TRPM3: variants seen among roughly 807,000 people sequenced by gnomAD.
TRPM3 encodes transient receptor potential cation channel subfamily M member 3.
In TRPM3, 77 loss-of-function variants were observed where a neutral mutation model predicts 181.2. The observed-to-expected ratio is 0.42, with a 90% confidence interval of 0.35 to 0.51. The LOEUF (loss-of-function observed/expected upper bound fraction) is 0.51, where lower values mean the gene tolerates loss of function less well. Ranked by LOEUF, TRPM3 falls within the 20% of genes least tolerant of loss-of-function variation. The pLI is 0.01. For missense variants in TRPM3, 1,759 were observed against 2,196.7 expected (o/e 0.80, Z 3.98); for synonymous variants, 745 against 796.4 (o/e 0.94, Z 1.09).
At chr9:71,167,802 TA>T (rs1347710800) in intron 1 of TRPM3, among the ~76,000 whole-genome samples, 1 of 152,062 alleles carries the variant, frequency 6.6e-6, no homozygotes, top group African/African-American at 2.4e-5. Flanking sequence ...CAGCACAATT[TA>T]AAAAAAATCC....
chr9:70,993,346 G>A (rs753880922), intron 1 of TRPM3, among the ~76,000 whole-genome samples: 23 of 152,126 alleles, frequency 1.5e-4, no homozygotes, highest in African/African-American at 2.4e-4. Context: ...GGTAGTAGCC[G>A]TGTATAGAAT....
chr9:71,100,662 T>A (rs1038403051), intron 1 of TRPM3, among the ~76,000 whole-genome samples: 1 of 152,140 alleles, frequency 6.6e-6, no homozygotes, highest in Non-Finnish European at 1.5e-5. Context: ...TCCACTTCCC[T>A]TCCTTGCCCA....
intron 8 of TRPM3, among the ~76,000 whole-genome samples, chr9:70,696,921 C>T (rs1374176619): frequency 2.6e-5 from 4 of 152,270 alleles, no homozygotes; most frequent in Admixed American, 6.5e-5. Flanking sequence ...CTCAGTCCCA[C>T]GGGCAGAGAA....
At chr9:71,205,947 T>C (rs1587949125) in intron 1 of TRPM3, among the ~76,000 whole-genome samples, 1 of 152,306 alleles carries the variant, frequency 6.6e-6, no homozygotes, top group East Asian at 1.9e-4. Flanking sequence ...AAACTCTGGC[T>C]CTTATTCTGA....
chr9:71,163,735 A>G (rs1483287945), intron 1 of TRPM3, among the ~76,000 whole-genome samples: 1 of 152,154 alleles, frequency 6.6e-6, no homozygotes, highest in Non-Finnish European at 1.5e-5. Flanking sequence ...AGTCCTGGAG[A>G]AAGACCCTAC....
chr9:71,269,096 T>G (rs956246709), intron 1 of TRPM3, among the ~76,000 whole-genome samples: 1 of 152,162 alleles, frequency 6.6e-6, no homozygotes, highest in Non-Finnish European at 1.5e-5. Flanking sequence ...AACTCTATAA[T>G]GAAGTTACAT....
At chr9:70,969,756 T>TTATATATATATATATATATATATATATA (rs78938143) in intron 1 of TRPM3, among the ~76,000 whole-genome samples, 139 of 126,084 alleles carry the variant, frequency 1.1e-3, no homozygotes, top group East Asian at 3.3e-3. Flanking sequence ...CTGAATGATT[T>TTATATATATATATATATATATATATATA]TATATATATA....
chr9:70,590,411 T>C (rs2057917227), intron 22 of TRPM3, among the ~76,000 whole-genome samples: 2 of 152,232 alleles, frequency 1.3e-5, no homozygotes, highest in South Asian at 2.1e-4. Flanking sequence ...TATTTTCTTT[T>C]TGGCATTTAT....
At chr9:70,903,993 C>A (rs2096425584) in intron 1 of TRPM3, among the ~76,000 whole-genome samples, 1 of 151,968 alleles carries the variant, frequency 6.6e-6, no homozygotes, top group Admixed American at 6.6e-5. Context: ...AAGACCAAGG[C>A]AGGAGGATCT....
chr9:70,764,496 T>A lies in TRPM3; in HGVS notation c.1149-2772A>T, dbSNP rs185725506. On this transcript the variant is annotated intron_variant, in intron 7 of 25. Coordinates refer to ENST00000677713, the MANE Select transcript of TRPM3 (RefSeq NM_001366145.2). ...GGATCTGTCTGACACTTGTATCCAA[T>A]CTGTCACTTTCTAAAAATTGAGGAA... Among the ~76,000 whole-genome samples the A allele has an allele frequency of 7.9e-5, 12 of 152,314 alleles. No homozygotes were observed. The East Asian group carries it at 2.3e-3, about 29-fold the overall frequency.
chr9:71,053,048 C>T (rs1335377462), intron 1 of TRPM3, among the ~76,000 whole-genome samples: 1 of 131,050 alleles, frequency 7.6e-6, no homozygotes, highest in South Asian at 2.6e-4. Context: ...ATGGAGTTTC[C>T]TAACCAGCGA....
intron 7 of TRPM3, among the ~76,000 whole-genome samples, chr9:70,778,434 T>C (rs1564240615): frequency 6.6e-6 from 1 of 152,178 alleles, no homozygotes; most frequent in Non-Finnish European, 1.5e-5. Context: ...GGCCCATGCA[T>C]ATAGTAGGCA....
At chr9:70,850,454 G>C (rs1047794858) in intron 3 of TRPM3, among the ~76,000 whole-genome samples, 1 of 152,122 alleles carries the variant, frequency 6.6e-6, no homozygotes, top group Admixed American at 6.5e-5. Flanking sequence ...AATAAATAAA[G>C]GGGCAGAAGA....
intron 22 of TRPM3, among the ~76,000 whole-genome samples, chr9:70,572,939 C>T (rs536882411): frequency 6.6e-6 from 1 of 152,282 alleles, no homozygotes; most frequent in East Asian, 1.9e-4. Context: ...CCTAACATTT[C>T]TTTTTAATAA....
At chr9:71,336,059 C>G (rs887174849) in intron 1 of TRPM3, among the ~76,000 whole-genome samples, 1 of 151,928 alleles carries the variant, frequency 6.6e-6, no homozygotes, top group Non-Finnish European at 1.5e-5. Context: ...ACATCAGTGT[C>G]TTTTGGCAAG....
At chr9:71,129,412 C>T (rs895883394) in intron 1 of TRPM3, among the ~76,000 whole-genome samples, 36 of 152,194 alleles carry the variant, frequency 2.4e-4, no homozygotes, top group African/African-American at 7.9e-4. Context: ...TAGATAGTGG[C>T]TATGTGATAA....
intron 6 of TRPM3, among the ~76,000 whole-genome samples, chr9:70,813,720 T>C (rs2092389149): frequency 6.6e-6 from 1 of 152,214 alleles, no homozygotes; most frequent in South Asian, 2.1e-4. Context: ...AGAGAGGCTG[T>C]AGAGCACAGT....
At chr9:70,969,490 T>C (rs1026409444) in intron 1 of TRPM3, among the ~76,000 whole-genome samples, 5 of 149,684 alleles carry the variant, frequency 3.3e-5, no homozygotes, top group African/African-American at 1.0e-4. Flanking sequence ...AATAATAATG[T>C]GTTGGTCATG....
chr9:70,641,382 T>C (rs2058039292), intron 9 of TRPM3, among the ~76,000 whole-genome samples: 1 of 152,208 alleles, frequency 6.6e-6, no homozygotes, highest in African/African-American at 2.4e-5. Context: ...ATCACTTGAA[T>C]AGTATTTTGC....
Sources: gnomAD v4.1 joint callset for allele counts (sites outside exome capture counted in the v4.1 genomes callset) on GRCh38, gnomAD v4.1.1 for gene constraint, MANE v1.5 for transcripts, NCBI Gene and HGNC (gene_info 2026-07-23, HGNC 2026-07-21) for gene names.